Variants in TPD52L2 observed in about 807,000 individuals in gnomAD.
The protein encoded by TPD52L2 is tumor protein D54.
A neutral mutation model predicts 24.7 loss-of-function variants in TPD52L2; 19 were observed. The observed-to-expected ratio is 0.77, with a 90% CI of 0.54 to 1.13. TPD52L2 has a LOEUF of 1.13. TPD52L2 is among the 50% of genes most tolerant of loss of function. TPD52L2 has a pLI of 0.00. For synonymous variants in TPD52L2, 104 were observed against 100.2 expected, an observed-to-expected ratio of 1.04 and a Z score of -0.23; for missense variants, 236 against 250.4, an observed-to-expected ratio of 0.94 and a Z score of 0.39.
rs967701681 is a variant in TPD52L2, at chr20:63,865,479, C to G, written c.19+95C>G. The G allele has an allele frequency of 2.1e-6, 3 of 1,451,170 alleles. No homozygotes were observed. The African/African-American group carries it at 4.4e-5, about 21-fold the overall frequency. 89.9% of individuals were successfully genotyped at this position (1,451,170 alleles called of 1,614,324 possible). ...TCGCGTCTGCGACTCTCTGTCCTCT[C>G]GGTCTCGGTTCACCCACCCCGCGGC... On this transcript the variant is annotated intron_variant, in intron 1 of 6. Coordinates refer to ENST00000346249, the MANE Select transcript of TPD52L2 (RefSeq NM_003288.4).
chr20:63,871,177 G>T (rs757228797), intron 2 of TPD52L2, among the ~76,000 whole-genome samples: 2 of 150,820 alleles, frequency 1.3e-5, no homozygotes, highest in Non-Finnish European at 3.0e-5. Flanking sequence ...CAAGTAGGTG[G>T]GATTACAGAC....
Position 63,890,108 on chromosome 20 carries a change from A to G in TPD52L2, c.*163A>G. The G allele has an allele frequency of 6.9e-7, 1 of 1,453,278 alleles. No homozygotes were observed. The highest frequency in any genetic ancestry group is 2.5e-5 in the East Asian group (1 of 40,252). 90.0% of individuals were successfully genotyped at this position (1,453,278 alleles called of 1,614,324 possible). A position where few individuals can be genotyped will look rare whatever the true frequency, so the allele number is the denominator to read the frequency against. ...AGATGTGGCTGCCGCGTTTGCATGAATTTGAAGAACACAGGCTTGTACACA... is the reference window on the plus strand; with the variant it reads ...AGATGTGGCTGCCGCGTTTGCATGAGTTTGAAGAACACAGGCTTGTACACA... On this transcript the variant is annotated 3_prime_UTR_variant, in exon 7 of 7. Transcript: ENST00000346249.
At chr20:63,883,860 T>C (rs1420154067) in intron 5 of TPD52L2, among the ~76,000 whole-genome samples, 1 of 145,224 alleles carries the variant, frequency 6.9e-6, no homozygotes, top group Non-Finnish European at 1.6e-5. Flanking sequence ...CTGCCTGCCT[T>C]AGGTTAGGTG....
intron 5 of TPD52L2, among the ~76,000 whole-genome samples, chr20:63,884,309 T>G (rs2053015849): frequency 1.3e-5 from 2 of 152,274 alleles, no homozygotes; most frequent in South Asian, 2.1e-4. Flanking sequence ...GCAGGGCTGT[T>G]TTCTTCCCGA....
rs953259437 is a variant in TPD52L2 at position 63,877,971 on chromosome 20, C to G, written c.374+2096C>G. Among the ~76,000 whole-genome samples the G allele has an allele frequency of 6.6e-6, 1 of 152,202 alleles. No homozygotes were observed. The highest frequency in any genetic ancestry group is 1.5e-5 in the Non-Finnish European group (1 of 68,030). On this transcript the variant is annotated intron_variant, in intron 4 of 6. Coordinates refer to ENST00000346249, the MANE Select transcript of TPD52L2 (RefSeq NM_003288.4). The surrounding 1 kb of genome is among the most constrained non-coding windows in gnomAD (Gnocchi z 4.1). ...TGGTTTCTGCCGGGACGGCCGAGGCCGAGGGCGGTGGTTTCTGCCGGGACG... is the reference window on the plus strand; with the variant it reads ...TGGTTTCTGCCGGGACGGCCGAGGCGGAGGGCGGTGGTTTCTGCCGGGACG...
At chr20:63,887,199 C>T (rs1289238046) in intron 5 of TPD52L2, 1 of 381,224 alleles carries the variant, frequency 2.6e-6, no homozygotes, top group Non-Finnish European at 4.9e-6. Context: ...TCTGTGATTT[C>T]TTGTGTTTTT....
At chr20:63,882,692 G>A in intron 4 of TPD52L2, 27 bp from the exon 5 acceptor site, 1 of 1,591,552 alleles carries the variant, frequency 6.3e-7, no homozygotes, top group African/African-American at 1.3e-5. Context: ...CATGCTGTCT[G>A]GTTGATTTAA....
rs370076589 is a variant in TPD52L2 at position 63,873,860 on chromosome 20, G to A, written c.314+44G>A. On this transcript the variant is annotated intron_variant, in intron 3 of 6. Coordinates refer to ENST00000346249, the MANE Select transcript of TPD52L2 (RefSeq NM_003288.4). Reference sequence around the variant, plus strand: ...CGCACCCCTGGGGGCTGAAGAGAACGGGCACCACACGTGCCCCGGCATGTG... The same window carrying A: ...CGCACCCCTGGGGGCTGAAGAGAACAGGCACCACACGTGCCCCGGCATGTG... The A allele has an allele frequency of 3.0e-4, 426 of 1,437,792 alleles. 2 individuals carry two copies. The highest frequency in any genetic ancestry group is 5.8e-5 in the Non-Finnish European group (64 of 1,095,672). The allele number at this position is 1,437,792 out of a possible 1,614,324, so 89.1% of individuals were successfully genotyped here.
In TPD52L2 at chr20:63,889,233, A is replaced by C. The variant is rs1331217839; in HGVS notation, c.520A>C (p.Ile174Leu). 1 of 1,612,790 alleles carries C rather than the reference A, an allele frequency of 6.2e-7. No individual in the cohort carries two copies. The highest frequency in any genetic ancestry group is 1.7e-5 in the Admixed American group (1 of 59,950). ...FKSFEDRVGT[I>L]KSKVVGDREN... Reference sequence around the variant, plus strand: ...GTCGTTTGAGGACCGAGTTGGGACCATAAAGGTAATTGTACCTGGACTGTT... The same window carrying C: ...GTCGTTTGAGGACCGAGTTGGGACCCTAAAGGTAATTGTACCTGGACTGTT... The change falls in exon 6 of 7, where the codon ATA becomes CTA. Residue 174 changes from isoleucine to leucine, a missense_variant. Transcript: ENST00000346249.
rs1385113573 is a variant in TPD52L2, at chr20:63,886,147, A to C, written c.477-3043A>C. The C allele has an allele frequency of 3.4e-5, 39 of 1,153,286 alleles. No individual in the cohort carries two copies. The East Asian group carries it at 5.6e-4, about 17-fold the overall frequency. 71.4% of individuals were successfully genotyped at this position (1,153,286 alleles called of 1,614,324 possible). On this transcript the variant is annotated intron_variant, in intron 5 of 6. Coordinates refer to ENST00000346249, the MANE Select transcript of TPD52L2 (RefSeq NM_003288.4). ...GGCTGTGCTAGTAGAGGGCAGTGAA[A>C]GTGGGATCACCCCTTCCAGGACAGC...
chr20:63,871,103 C>T (rs1233962394), intron 2 of TPD52L2, among the ~76,000 whole-genome samples: 8 of 151,886 alleles, frequency 5.3e-5, no homozygotes, highest in Admixed American at 3.9e-4. Flanking sequence ...AGTGCAGTGG[C>T]GTGATCTCAG....
intron 5 of TPD52L2, among the ~76,000 whole-genome samples, chr20:63,886,578 C>T (rs73624769): frequency 7.9e-5 from 12 of 151,234 alleles, no homozygotes; most frequent in South Asian, 4.2e-4. Flanking sequence ...CTCGATCTCC[C>T]GACCTCGTGA....
chr20:63,889,321 G>T (rs6010690), intron 6 of TPD52L2, 83 bp downstream of exon 6: 565,001 of 1,222,992 alleles, frequency 0.46, 139,150 homozygotes, highest in East Asian at 0.85. Context: ...ATTTAGTTAT[G>T]GTAGACTCAC....
At chr20:63,869,532 G>A (rs1455713900) in intron 2 of TPD52L2, 91 bp downstream of exon 2, 2 of 1,540,124 alleles carry the variant, frequency 1.3e-6, no homozygotes, top group Non-Finnish European at 8.9e-7. Context: ...ACGCTCGGGA[G>A]GAATTGCCCT....
intron 5 of TPD52L2, chr20:63,887,495 T>C (rs912434413): frequency 2.9e-5 from 45 of 1,531,888 alleles, no homozygotes; most frequent in Non-Finnish European, 3.6e-5. Context: ...CCCTGCCAAG[T>C]TGGGGTTGTG....
intron 4 of TPD52L2, among the ~76,000 whole-genome samples, chr20:63,881,711 C>G (rs1163000614): frequency 6.6e-6 from 1 of 152,236 alleles, no homozygotes; most frequent in Non-Finnish European, 1.5e-5. Flanking sequence ...CAAGATGGTC[C>G]TGGGAGCCCA....
Position 63,890,209 on chromosome 20 carries a change from G to A in TPD52L2, c.*264G>A, listed in dbSNP as rs2053280726. Reference sequence around the variant, plus strand: ...CCTAGGGGTGCAGGAAGTGGACAGGGCGGAGGGTTTGAAAGAATATTGAGC... The same window carrying A: ...CCTAGGGGTGCAGGAAGTGGACAGGACGGAGGGTTTGAAAGAATATTGAGC... On this transcript the variant is annotated 3_prime_UTR_variant, in exon 7 of 7. Transcript: ENST00000346249. The A allele has an allele frequency of 1.4e-6, 1 of 724,584 alleles. No homozygotes were observed. Among genetic ancestry groups the A allele is most frequent in the Non-Finnish European group, 2.1e-6 (1 of 465,818 alleles). The allele number at this position is 724,584 out of a possible 1,614,324, so 44.9% of individuals were successfully genotyped here. A position where few individuals can be genotyped will look rare whatever the true frequency, so the allele number is the denominator to read the frequency against.
At chr20:63,889,575 A>C (rs1006416920) in intron 6 of TPD52L2, among the ~76,000 whole-genome samples, 3 of 152,010 alleles carry the variant, frequency 2.0e-5, no homozygotes, top group Non-Finnish European at 2.9e-5. Context: ...GGCAACCCCT[A>C]GTCCACTCTC....
At position 63,890,854 on chromosome 20, in the gene TPD52L2, C is replaced by T. The variant is rs1351281206; in HGVS notation, c.*909C>T. 6.6e-6 allele frequency: 1 copy of T among 152,440 alleles called. No individual in the cohort carries two copies. The highest frequency in any genetic ancestry group is 1.5e-5 in the Non-Finnish European group (1 of 68,094). 9.4% of individuals were successfully genotyped at this position (152,440 alleles called of 1,614,324 possible). A position where few individuals can be genotyped will look rare whatever the true frequency, so the allele number is the denominator to read the frequency against. On this transcript the variant is annotated 3_prime_UTR_variant, in exon 7 of 7. Coordinates refer to ENST00000346249, the MANE Select transcript of TPD52L2 (RefSeq NM_003288.4). ...GCCCTGCCCTAAAGGGCTCTTGAGC[C>T]TCTGGGAATGGGAGGGGCCAAGAGA...
Sources: allele counts gnomAD v4.1 joint callset (sites outside exome capture counted in the v4.1 genomes callset), GRCh38; gene constraint gnomAD v4.1.1; non-coding constraint Gnocchi (gnomAD v3.1); transcripts MANE v1.5; gene names NCBI Gene and HGNC (gene_info 2026-07-23, HGNC 2026-07-21).